Variants in NAA35 observed in about 807,000 individuals in gnomAD.
The protein encoded by NAA35 is N-alpha-acetyltransferase 35, NatC auxiliary subunit.
A neutral mutation model predicts 101.7 loss-of-function variants in NAA35; 18 were observed. The ratio of observed to expected loss-of-function variants is 0.18; its 90% confidence interval spans 0.12 to 0.26. The LOEUF is 0.26. NAA35 is among the 10% of genes least tolerant of loss of function. The pLI is 1.00. For synonymous variants in NAA35, 267 were observed against 273.1 expected (o/e 0.98, Z 0.22); for missense variants, 601 against 886.8 (o/e 0.68, Z 4.09).
At chr9:86,012,037 AAAC>A (rs1331905381) in intron 15 of NAA35, among the ~76,000 whole-genome samples, 1 of 147,258 alleles carries the variant, frequency 6.8e-6, no homozygotes, top group Non-Finnish European at 1.5e-5. Flanking sequence ...GGGAAAGAAA[AAAC>A]AATAGAAGAC....
chr9:86,016,521 C>T lies in NAA35; in HGVS notation c.1569-18C>T, dbSNP rs376012659. ...CATTTAGACATCTACCATTAACTAA[C>T]ATTTTGTATCCTTTAAGGTATCTCT... On this transcript the variant is annotated intron_variant, in intron 17 of 22. Transcript: ENST00000361671. 1.7e-5 allele frequency: 27 copies of T among 1,605,322 alleles called. No individual in the cohort carries two copies. The Middle Eastern group carries it at 6.6e-4, about 39-fold the overall frequency.
chr9:85,998,885 T>A (rs1029460613), intron 12 of NAA35, among the ~76,000 whole-genome samples: 8 of 152,236 alleles, frequency 5.3e-5, no homozygotes, highest in Admixed American at 3.3e-4. Flanking sequence ...GGTTGCTGGT[T>A]GCCACTGTAC....
rs10113931 is a variant in NAA35 at position 85,979,543 on chromosome 9, G to C, written c.877+1162G>C. ...TTATGGCTAGCAGATATTTAATAAT[G>C]TTAGCACAGGTTTTTGAATAAATTT... On this transcript the variant is annotated intron_variant, in intron 11 of 22. Coordinates refer to ENST00000361671, the MANE Select transcript of NAA35 (RefSeq NM_024635.4). Among the ~76,000 whole-genome samples the C allele has an allele frequency of 3.9e-3, 600 of 152,270 alleles. 5 individuals are homozygous for C. Among genetic ancestry groups the C allele is most frequent in the African/African-American group, 0.014 (567 of 41,540 alleles).
chr9:85,975,056 T>C, intron 7 of NAA35, 23 bp downstream of exon 7: 1 of 1,611,722 alleles, frequency 6.2e-7, no homozygotes. Context: ...TTAAAGTTAA[T>C]TCACAAGTTT....
intron 11 of NAA35, among the ~76,000 whole-genome samples, chr9:85,980,132 G>T (rs1393888814): frequency 1.3e-5 from 2 of 152,170 alleles, no homozygotes; most frequent in African/African-American, 4.8e-5. Context: ...TACAGATGAA[G>T]AAATGCATAG....
At chr9:85,999,850 G>GT (rs1831339067) in intron 12 of NAA35, among the ~76,000 whole-genome samples, 1 of 152,224 alleles carries the variant, frequency 6.6e-6, no homozygotes, top group African/African-American at 2.4e-5. Flanking sequence ...AAGATGCAGA[G>GT]AACTGTGAAG....
At chr9:86,017,348 CATAA>C (rs976049548) in intron 18 of NAA35, 146 bp from the exon 19 acceptor site, 9 of 563,570 alleles carry the variant, frequency 1.6e-5, no homozygotes, top group African/African-American at 5.6e-5. Context: ...AGATTTTGAC[CATAA>C]ATAAAATTTA....
chr9:86,001,482 G>C (rs566927178), intron 12 of NAA35, among the ~76,000 whole-genome samples: 2 of 152,238 alleles, frequency 1.3e-5, no homozygotes, highest in African/African-American at 4.8e-5. Context: ...TGTCATTGGA[G>C]TGTTGAAGTC....
At chr9:85,961,440 A>G (rs1829510792) in intron 5 of NAA35, among the ~76,000 whole-genome samples, 4 of 152,196 alleles carry the variant, frequency 2.6e-5, no homozygotes, top group Admixed American at 2.6e-4. Flanking sequence ...TACTTACCCA[A>G]TTTTGCCTAT....
chr9:86,002,254 T>G (rs1831447031), intron 12 of NAA35, among the ~76,000 whole-genome samples: 1 of 152,162 alleles, frequency 6.6e-6, no homozygotes, highest in South Asian at 2.1e-4. Context: ...GGATCCCTTT[T>G]TAGGTTACTC....
chr9:86,017,188 G>A (rs1297757347), intron 18 of NAA35, among the ~76,000 whole-genome samples: 1 of 152,216 alleles, frequency 6.6e-6, no homozygotes, highest in African/African-American at 2.4e-5. Context: ...AGGACTTAAA[G>A]CAGTTTGGAT....
chr9:86,004,111 TTTTG>T (rs1831528195), intron 13 of NAA35, among the ~76,000 whole-genome samples: 2 of 152,086 alleles, frequency 1.3e-5, no homozygotes, highest in South Asian at 4.2e-4. Flanking sequence ...TGTTTTTTTG[TTTTG>T]TTTTTGTTTT....
chr9:85,992,272 TA>T (rs1206681103), intron 11 of NAA35, among the ~76,000 whole-genome samples: 1 of 152,052 alleles, frequency 6.6e-6, no homozygotes. Context: ...TGGTCAAAAT[TA>T]GCAAAAACTT....
chr9:85,999,267 T>C (rs1013601752), intron 12 of NAA35, among the ~76,000 whole-genome samples: 25 of 152,236 alleles, frequency 1.6e-4, no homozygotes, highest in African/African-American at 5.5e-4. Context: ...GGAATGAGAA[T>C]AGATATTTTC....
intron 17 of NAA35, among the ~76,000 whole-genome samples, chr9:86,014,603 A>AAT (rs1832110927): frequency 6.6e-6 from 1 of 152,172 alleles, no homozygotes; most frequent in South Asian, 2.1e-4. Flanking sequence ...ATTAGACTTT[A>AAT]ATAGAGTTCA....
chr9:85,968,373 G>A (rs1384615241), intron 6 of NAA35, among the ~76,000 whole-genome samples: 1 of 152,098 alleles, frequency 6.6e-6, no homozygotes, highest in Non-Finnish European at 1.5e-5. Flanking sequence ...ACCACACCTG[G>A]CTAATTTTTT....
At chr9:85,948,248 C>A (rs1283917922) in intron 2 of NAA35, among the ~76,000 whole-genome samples, 1 of 152,058 alleles carries the variant, frequency 6.6e-6, no homozygotes, top group Non-Finnish European at 1.5e-5. Flanking sequence ...CTTTTTCTTT[C>A]CTGCATACTT....
chr9:85,950,415 T>G (rs1306064456), intron 2 of NAA35, among the ~76,000 whole-genome samples: 1 of 152,140 alleles, frequency 6.6e-6, no homozygotes, highest in East Asian at 1.9e-4. Context: ...CTGGCTAATT[T>G]TGTATTTTTA....
intron 11 of NAA35, among the ~76,000 whole-genome samples, chr9:85,988,389 T>C (rs1830741459): frequency 6.6e-6 from 1 of 151,918 alleles, no homozygotes; most frequent in Non-Finnish European, 1.5e-5. Flanking sequence ...AAGTAATGAA[T>C]AATAGAAAGG....
Sources: allele counts gnomAD v4.1 joint callset (sites outside exome capture counted in the v4.1 genomes callset), GRCh38; gene constraint gnomAD v4.1.1; transcripts MANE v1.5; gene names NCBI Gene and HGNC (gene_info 2026-07-23, HGNC 2026-07-21).